Variants in KCNMB2 observed in about 807,000 individuals in gnomAD.
KCNMB2 encodes the protein potassium calcium-activated channel subfamily M regulatory beta subunit 2.
KCNMB2 carries 9 observed loss-of-function variants against 24.5 expected under a neutral mutation model. That is an observed-to-expected ratio of 0.37 (90% CI 0.22 to 0.64). The LOEUF is 0.64. Ranked by LOEUF, KCNMB2 falls within the 30% of genes least tolerant of loss-of-function variation. The pLI, the probability that KCNMB2 is intolerant of heterozygous loss-of-function variation, is 0.63. For synonymous variants in KCNMB2, 109 were observed against 104.4 expected (o/e 1.04, Z -0.27); for missense variants, 226 against 284.3 (o/e 0.79, Z 1.47).
intron 1 of KCNMB2, among the ~76,000 whole-genome samples, chr3:178,705,057 A>T (rs949697881): frequency 2.0e-5 from 3 of 152,058 alleles, no homozygotes; most frequent in African/African-American, 7.2e-5. Context: ...GGGTTTTCTA[A>T]GCCAAAACCC....
intron 1 of KCNMB2, among the ~76,000 whole-genome samples, chr3:178,799,268 T>C (rs1248867300): frequency 3.9e-5 from 6 of 152,160 alleles, no homozygotes; most frequent in African/African-American, 1.4e-4. Context: ...TATAATCTTA[T>C]ACTTGGAAAA....
chr3:178,762,669 T>G (rs75480429), intron 1 of KCNMB2, among the ~76,000 whole-genome samples: 21,194 of 151,896 alleles, frequency 0.14, 1,795 homozygotes, highest in Admixed American at 0.18. Flanking sequence ...GAAACTGGGG[T>G]GGCAGTAGTG....
At chr3:178,631,877 T>A (rs989996474) in intron 1 of KCNMB2, among the ~76,000 whole-genome samples, 2 of 152,194 alleles carry the variant, frequency 1.3e-5, no homozygotes, top group Non-Finnish European at 1.5e-5. Flanking sequence ...AGATGTTAAT[T>A]CTCACATGGA....
chr3:178,583,065 A>AT (rs1242920887), intron 1 of KCNMB2, among the ~76,000 whole-genome samples: 2 of 152,198 alleles, frequency 1.3e-5, no homozygotes, highest in Admixed American at 1.3e-4. Context: ...TGGTTATAAG[A>AT]GGAAACAGAA....
intron 1 of KCNMB2, among the ~76,000 whole-genome samples, chr3:178,792,823 G>A (rs1713376948): frequency 1.3e-5 from 2 of 152,214 alleles, no homozygotes; most frequent in African/African-American, 4.8e-5. Flanking sequence ...TGGACTAAGA[G>A]CTCCAGCTGG....
At chr3:178,539,980 A>C (rs1394616097) in intron 1 of KCNMB2, among the ~76,000 whole-genome samples, 2 of 152,134 alleles carry the variant, frequency 1.3e-5, no homozygotes, top group African/African-American at 2.4e-5. Context: ...TCTAATCCCT[A>C]ACCTTGACTT....
chr3:178,758,310 A>AAG (rs1457386973), intron 1 of KCNMB2, among the ~76,000 whole-genome samples: 1 of 22,878 alleles, frequency 4.4e-5, no homozygotes, highest in East Asian at 1.1e-3. Flanking sequence ...ATATATCTCC[A>AAG]AGGGGATATA....
Position 178,553,781 on chromosome 3 carries a change from C to T in KCNMB2, c.-68+17070C>T, listed in dbSNP as rs529431407. 9.2e-5 allele frequency among the ~76,000 whole-genome samples: 14 copies of T among 152,246 alleles called. No individual in the cohort carries two copies. In the South Asian group the frequency reaches 2.9e-3, roughly 32 times the overall value. The stretch of plus-strand genomic sequence containing the variant: ...TCTCAAACTCCCAACCTCAAGGGAT[C>T]TGCCTGTCTTGGTCTCCCAAAGTGC... On this transcript the variant is annotated intron_variant, in intron 1 of 4. Coordinates refer to ENST00000452583, the MANE Select transcript of KCNMB2 (RefSeq NM_181361.3).
At chr3:178,714,067 A>C (rs1722539957) in intron 1 of KCNMB2, among the ~76,000 whole-genome samples, 1 of 152,138 alleles carries the variant, frequency 6.6e-6, no homozygotes, top group Non-Finnish European at 1.5e-5. Context: ...GTAGCTACTG[A>C]CCAGAAAACT....
intron 1 of KCNMB2, among the ~76,000 whole-genome samples, chr3:178,785,819 A>G (rs1713078788): frequency 6.6e-6 from 1 of 152,170 alleles, no homozygotes; most frequent in Non-Finnish European, 1.5e-5. Context: ...AAGCATATTC[A>G]TTTGTATACA....
chr3:178,710,219 C>G (rs1722405472), intron 1 of KCNMB2, among the ~76,000 whole-genome samples: 1 of 152,040 alleles, frequency 6.6e-6, no homozygotes, highest in Admixed American at 6.6e-5. Context: ...TAAATGGCAC[C>G]CTCAAGCCAC....
intron 1 of KCNMB2, among the ~76,000 whole-genome samples, chr3:178,791,889 C>T (rs962470957): frequency 6.7e-6 from 1 of 148,892 alleles, no homozygotes; most frequent in Non-Finnish European, 1.5e-5. Flanking sequence ...AAATAGTATA[C>T]CCAGCAAAAA....
intron 1 of KCNMB2, among the ~76,000 whole-genome samples, chr3:178,777,948 C>T (rs541942013): frequency 6.6e-6 from 1 of 152,130 alleles, no homozygotes; most frequent in South Asian, 2.1e-4. Flanking sequence ...AAATTATTTC[C>T]CCAGCTCCAT....
At chr3:178,789,419 C>A (rs1167420740) in intron 1 of KCNMB2, among the ~76,000 whole-genome samples, 3 of 152,190 alleles carry the variant, frequency 2.0e-5, no homozygotes, top group Non-Finnish European at 4.4e-5. Context: ...ACAATCCACA[C>A]AAGAAAACAC....
chr3:178,588,026 G>A (rs1468329887), intron 1 of KCNMB2, among the ~76,000 whole-genome samples: 2 of 151,884 alleles, frequency 1.3e-5, no homozygotes, highest in African/African-American at 4.8e-5. Context: ...TGCTAAGAAT[G>A]ATGGTTTCCG....
chr3:178,727,836 G>C (rs1577130319), intron 1 of KCNMB2, among the ~76,000 whole-genome samples: 1 of 152,170 alleles, frequency 6.6e-6, no homozygotes, highest in East Asian at 1.9e-4. Context: ...AAGCTACTAA[G>C]TTTGTGGTAA....
At chr3:178,584,404 T>C (rs947605048) in intron 1 of KCNMB2, among the ~76,000 whole-genome samples, 3 of 152,028 alleles carry the variant, frequency 2.0e-5, no homozygotes, top group Admixed American at 1.3e-4. Flanking sequence ...TCCTGCCCAG[T>C]CTCCCGCAGG....
At chr3:178,663,113 C>T (rs917650472) in intron 1 of KCNMB2, among the ~76,000 whole-genome samples, 2 of 152,100 alleles carry the variant, frequency 1.3e-5, no homozygotes, top group Non-Finnish European at 2.9e-5. Flanking sequence ...CCGTTGGTCC[C>T]TCATCTTCAA....
intron 1 of KCNMB2, among the ~76,000 whole-genome samples, chr3:178,565,737 G>A (rs1051577350): frequency 4.6e-5 from 7 of 152,264 alleles, no homozygotes; most frequent in Admixed American, 3.3e-4. Context: ...TAAATCTTCA[G>A]CATCCCCTCT....
Sources: allele counts gnomAD v4.1 joint callset (sites outside exome capture counted in the v4.1 genomes callset), GRCh38; gene constraint gnomAD v4.1.1; transcripts MANE v1.5; gene names NCBI Gene and HGNC (gene_info 2026-07-23, HGNC 2026-07-21).